Variants in KCNIP4 observed in about 807,000 individuals in gnomAD.
KCNIP4 encodes potassium voltage-gated channel interacting protein 4, also known as Kv channel-interacting protein 4.
KCNIP4 carries 12 observed loss-of-function variants against 34.0 expected under a neutral mutation model. The observed-to-expected ratio is 0.35, with a 90% CI of 0.23 to 0.57. The LOEUF (loss-of-function observed/expected upper bound fraction) is 0.57, where lower values mean the gene tolerates loss of function less well. Ranked by LOEUF, KCNIP4 falls within the 20% of genes least tolerant of loss-of-function variation. KCNIP4 has a pLI of 0.83. For synonymous variants in KCNIP4, 124 were observed against 102.2 expected, an observed-to-expected ratio of 1.21 and a Z score of -1.29; for missense variants, 238 against 311.7, an observed-to-expected ratio of 0.76 and a Z score of 1.78.
intron 1 of KCNIP4, among the ~76,000 whole-genome samples, chr4:21,910,905 T>C (rs535785299): frequency 6.6e-6 from 1 of 152,216 alleles, no homozygotes; most frequent in Non-Finnish European, 1.5e-5. Context: ...TACTATGATT[T>C]ACCCTAGCTT....
chr4:21,142,574 C>T (rs1357432787), intron 1 of KCNIP4, among the ~76,000 whole-genome samples: 6 of 152,086 alleles, frequency 3.9e-5, no homozygotes, highest in Non-Finnish European at 8.8e-5. Flanking sequence ...TCCTAGGGTG[C>T]TGAGAGCTCC....
chr4:21,419,920 T>A (rs1725309583), intron 1 of KCNIP4, among the ~76,000 whole-genome samples: 1 of 152,170 alleles, frequency 6.6e-6, no homozygotes, highest in Admixed American at 6.5e-5. Flanking sequence ...GGAGGTATAA[T>A]GCTGATTTTA....
chr4:20,871,476 T>G (rs1028038360), intron 2 of KCNIP4, among the ~76,000 whole-genome samples: 2 of 151,572 alleles, frequency 1.3e-5, no homozygotes, highest in Non-Finnish European at 2.9e-5. Flanking sequence ...AAAAAAAAAT[T>G]AAAAGGGCCA....
chr4:20,732,745 C>T lies in KCNIP4; in HGVS notation c.578G>A (p.Gly193Asp), dbSNP rs1434426837. The change falls in exon 7 of 9, where the codon GGT becomes GAT. Residue 193 changes from glycine (G) to aspartate (D), a missense_variant. Coordinates refer to ENST00000382152, the MANE Select transcript of KCNIP4 (RefSeq NM_025221.6). ...DIMKAIYDMM[G>D]KCTYPVLKED... is the part of the protein sequence containing the mutation. ...TTTGAGGACAGGATATGTACATTTA[C>T]CCATCATATCGTATATTGCTTTCAT... is the stretch of plus-strand genomic sequence containing the variant. 6.2e-7 allele frequency: 1 copy of T among 1,612,040 alleles called. No individual in the cohort carries two copies. The highest frequency in any genetic ancestry group is 1.1e-5 in the South Asian group (1 of 91,024).
intron 1 of KCNIP4, among the ~76,000 whole-genome samples, chr4:21,029,610 A>G (rs1292716879): frequency 6.6e-6 from 1 of 152,214 alleles, no homozygotes; most frequent in Non-Finnish European, 1.5e-5. Flanking sequence ...AGAGTTGTCT[A>G]TCACCAACGA....
chr4:21,673,840 T>G (rs187718927), intron 1 of KCNIP4, among the ~76,000 whole-genome samples: 7 of 152,320 alleles, frequency 4.6e-5, no homozygotes, highest in Admixed American at 4.6e-4. Flanking sequence ...AGTACCTTAC[T>G]TCATCACTTC....
intron 1 of KCNIP4, among the ~76,000 whole-genome samples, chr4:21,113,349 A>G (rs1749391149): frequency 6.6e-6 from 1 of 151,594 alleles, no homozygotes; most frequent in African/African-American, 2.4e-5. Flanking sequence ...GTCCACTTCA[A>G]GTAACAAAAT....
At chr4:21,283,228 C>T (rs940489824) in intron 1 of KCNIP4, among the ~76,000 whole-genome samples, 1 of 152,094 alleles carries the variant, frequency 6.6e-6, no homozygotes, top group Non-Finnish European at 1.5e-5. Context: ...GATGAAAGAA[C>T]TGTCCTAAAA....
chr4:20,865,070 ATT>A (rs1338454715), intron 2 of KCNIP4, among the ~76,000 whole-genome samples: 11 of 152,112 alleles, frequency 7.2e-5, no homozygotes, highest in African/African-American at 2.4e-4. Flanking sequence ...GCAATGTGAT[ATT>A]CTGTGTATAA....
At chr4:20,928,244 C>CTT (rs11403879) in intron 1 of KCNIP4, among the ~76,000 whole-genome samples, 20,761 of 146,912 alleles carry the variant, frequency 0.14, 1,924 homozygotes, top group African/African-American at 0.28. Context: ...AAGATAGTTT[C>CTT]TTTTTTTTTT....
intron 1 of KCNIP4, among the ~76,000 whole-genome samples, chr4:21,483,621 C>G (rs1731648022): frequency 1.3e-5 from 2 of 151,726 alleles, no homozygotes; most frequent in Non-Finnish European, 2.9e-5. Flanking sequence ...AACCCCATCT[C>G]TACTAAAAAT....
chr4:21,931,651 G>C (rs2109008652), intron 1 of KCNIP4, among the ~76,000 whole-genome samples: 1 of 152,074 alleles, frequency 6.6e-6, no homozygotes, highest in East Asian at 1.9e-4. Flanking sequence ...GTGTATATGT[G>C]ACACATTTTC....
rs140766217 is a variant in KCNIP4, at chr4:21,932,289, A to G, written c.61+16282T>C. Among the ~76,000 whole-genome samples, 412 of 152,232 alleles carry G rather than the reference A, an allele frequency of 2.7e-3. 2 individuals are homozygous for G. The highest frequency in any genetic ancestry group is 9.4e-3 in the African/African-American group (392 of 41,556). On this transcript the variant is annotated intron_variant, in intron 1 of 8. Coordinates refer to ENST00000382152, the MANE Select transcript of KCNIP4 (RefSeq NM_025221.6). ...ACTCGGAAAACAGAAAGAATTTGCC[A>G]CTAACAAAAAAGGACAATGCAGTGT...
intron 2 of KCNIP4, among the ~76,000 whole-genome samples, chr4:20,866,214 T>C (rs1208760882): frequency 6.6e-6 from 1 of 151,800 alleles, no homozygotes; most frequent in African/African-American, 2.4e-5. Flanking sequence ...AAAATGAAAA[T>C]TTCAGACAAA....
chr4:21,088,039 G>A (rs2109036201), intron 1 of KCNIP4, among the ~76,000 whole-genome samples: 1 of 152,148 alleles, frequency 6.6e-6, no homozygotes, highest in Admixed American at 6.5e-5. Flanking sequence ...TTGCTTCTGA[G>A]TTCCAAAAAT....
chr4:21,046,715 G>T (rs971363419), intron 1 of KCNIP4, among the ~76,000 whole-genome samples: 7 of 151,900 alleles, frequency 4.6e-5, no homozygotes, highest in Non-Finnish European at 1.0e-4. Context: ...CCTTGGCCCT[G>T]CAAGTAGCTG....
chr4:21,380,372 A>G (rs1315671490), intron 1 of KCNIP4, among the ~76,000 whole-genome samples: 1 of 147,130 alleles, frequency 6.8e-6, no homozygotes, highest in Admixed American at 6.8e-5. Flanking sequence ...CCTGTCTTTT[A>G]CCCATAGGTT....
At chr4:21,043,190 G>A (rs912023364) in intron 1 of KCNIP4, among the ~76,000 whole-genome samples, 8 of 152,154 alleles carry the variant, frequency 5.3e-5, no homozygotes, top group African/African-American at 1.9e-4. Context: ...TGACAACAAG[G>A]CAGTCTCTGT....
At chr4:21,848,568 C>A (rs1217149019) in intron 1 of KCNIP4, 2 of 152,036 alleles carry the variant, frequency 1.3e-5, no homozygotes, top group Non-Finnish European at 2.9e-5. Context: ...TCTAAAATAT[C>A]CATAAAGGCC....
Sources: gnomAD v4.1 joint callset for allele counts (sites outside exome capture counted in the v4.1 genomes callset) on GRCh38, gnomAD v4.1.1 for gene constraint, MANE v1.5 for transcripts, NCBI Gene and HGNC (gene_info 2026-07-23, HGNC 2026-07-21) for gene names.